The following HACE1 variants were observed in gnomAD, a reference collection of about 807,000 sequenced individuals.
HACE1 encodes E3 ubiquitin-protein ligase HACE1.
Under a neutral mutation model 118.4 loss-of-function variants are expected in HACE1, and 73 were observed. That is an observed-to-expected ratio of 0.62 (90% confidence interval 0.51 to 0.75). HACE1 has a LOEUF of 0.75. HACE1 is among the 30% of genes least tolerant of loss of function. HACE1 has a pLI of 0.00. For missense variants in HACE1, 749 were observed against 1,102.2 expected (o/e 0.68, Z 4.54); for synonymous variants, 368 against 374.8 (o/e 0.98, Z 0.21).
chr6:104,750,464 G>A lies in HACE1; in HGVS notation c.2220C>T (p.Tyr740=), dbSNP rs779187641. Residue 740 remains tyrosine (Y), a synonymous_variant, in exon 20 of 24, where the codon TAC becomes TAT. Coordinates refer to ENST00000262903, the MANE Select transcript of HACE1 (RefSeq NM_020771.4). ...TTCGAAGTTCAGTAACAAGCTGGAC[G>A]TACTCCGCCTGTTGAAAAAGAAGTT... ...ILVTQNNKAE[Y]VQLVTELRMT... 8.1e-6 allele frequency: 13 copies of A among 1,613,230 alleles called. No individual in the cohort carries two copies. Among genetic ancestry groups the A allele is most frequent in the East Asian group, 4.5e-5 (2 of 44,854 alleles).
At chr6:104,775,184 G>T (rs1781100346) in intron 17 of HACE1, among the ~76,000 whole-genome samples, 1 of 152,010 alleles carries the variant, frequency 6.6e-6, no homozygotes, top group Non-Finnish European at 1.5e-5. Flanking sequence ...TCCACAAAAA[G>T]AATAGAGAAA....
chr6:104,736,938 C>T (rs1775909003), intron 22 of HACE1, among the ~76,000 whole-genome samples: 1 of 151,904 alleles, frequency 6.6e-6, no homozygotes, highest in Admixed American at 6.6e-5. Context: ...TCTCCATTTT[C>T]CAAATTTTCT....
intron 1 of HACE1, 163 bp downstream of exon 1, chr6:104,859,404 G>C (rs561719990): frequency 3.7e-4 from 222 of 595,946 alleles, no homozygotes; most frequent in Non-Finnish European, 5.7e-4. Flanking sequence ...CGTCGGGCCA[G>C]GGGAGTTCGG....
At chr6:104,820,015 C>T (rs1345185674) in intron 6 of HACE1, among the ~76,000 whole-genome samples, 1 of 151,842 alleles carries the variant, frequency 6.6e-6, no homozygotes, top group African/African-American at 2.4e-5. Flanking sequence ...ACCAACATGG[C>T]AAAACCCCAT....
chr6:104,808,230 A>G (rs1771234375), intron 7 of HACE1, among the ~76,000 whole-genome samples: 2 of 152,128 alleles, frequency 1.3e-5, no homozygotes, highest in Non-Finnish European at 2.9e-5. Context: ...ACAAGAAACA[A>G]AAGAAAACCC....
rs886218345 is a variant in HACE1 at position 104,859,571 on chromosome 6, G to A, written c.72C>T (p.Pro24=). The A allele has an allele frequency of 3.9e-6, 6 of 1,523,174 alleles. No homozygotes were observed. In the African/African-American group the frequency reaches 7.2e-5, roughly 18 times the overall value. The allele number at this position is 1,523,174 out of a possible 1,614,324, so 94.4% of individuals were successfully genotyped here. Residue 24 remains proline (P), a synonymous_variant, in exon 1 of 24, where the codon CCC becomes CCT. Coordinates refer to ENST00000262903, the MANE Select transcript of HACE1 (RefSeq NM_020771.4). The part of the protein sequence containing the change: ...SLRRARTVEL[P]EDNETAVYTL... ...TGGCCCCGCGACCCGGCTCACCCTC[G>A]GGCAACTCCACGGTGCGCGCGCGGC...
At chr6:104,739,647 G>C (rs541893189) in intron 22 of HACE1, among the ~76,000 whole-genome samples, 159 of 150,198 alleles carry the variant, frequency 1.1e-3, no homozygotes, top group Non-Finnish European at 1.5e-3. Flanking sequence ...CCCAATACAG[G>C]AACACCAAGA....
chr6:104,744,380 A>G (rs1777175023), intron 21 of HACE1, 132 bp downstream of exon 21: 1 of 801,060 alleles, frequency 1.2e-6, no homozygotes, highest in Admixed American at 1.9e-5. Context: ...CATATGCACT[A>G]TTCCCACAAG....
At chr6:104,762,895 C>G (rs1318645843) in intron 19 of HACE1, among the ~76,000 whole-genome samples, 2 of 144,394 alleles carry the variant, frequency 1.4e-5, no homozygotes, top group Non-Finnish European at 3.0e-5. Flanking sequence ...GAGGCTGAGG[C>G]AGGAAAATGG....
chr6:104,806,897 T>A (rs956005818), intron 7 of HACE1, among the ~76,000 whole-genome samples: 27 of 152,142 alleles, frequency 1.8e-4, no homozygotes, highest in African/African-American at 6.5e-4. Context: ...AATTTGAGAA[T>A]TTGGCATAAG....
chr6:104,797,108 T>C, intron 7 of HACE1, 83 bp from the exon 8 acceptor site: 1 of 789,838 alleles, frequency 1.3e-6, no homozygotes. Flanking sequence ...TATGAGTCAA[T>C]GGAAGAGTAT....
At chr6:104,733,227 A>G (rs539648136) in intron 22 of HACE1, among the ~76,000 whole-genome samples, 114 of 152,350 alleles carry the variant, frequency 7.5e-4, no homozygotes, top group Non-Finnish European at 1.2e-3. Context: ...CAGTATTTCA[A>G]TATCAATATG....
chr6:104,803,543 T>C lies in HACE1; in HGVS notation c.618-6518A>G, dbSNP rs1443469002. Among the ~76,000 whole-genome samples the C allele has an allele frequency of 2.6e-5, 4 of 152,316 alleles. No individual in the cohort carries two copies. The East Asian group carries it at 7.7e-4, about 29-fold the overall frequency. On this transcript the variant is annotated intron_variant, in intron 7 of 23. Transcript: ENST00000262903. Reference sequence around the variant, plus strand: ...GATCAAGTCGGCTTCATCCCTGGGATGCAAGGCTGGCTCAACATATGCAAA... The same window carrying C: ...GATCAAGTCGGCTTCATCCCTGGGACGCAAGGCTGGCTCAACATATGCAAA...
intron 17 of HACE1, among the ~76,000 whole-genome samples, chr6:104,776,111 C>T (rs543908134): frequency 1.1e-4 from 17 of 152,230 alleles, no homozygotes; most frequent in African/African-American, 4.1e-4. Context: ...ACCATTTCAA[C>T]AAGGAGAGTT....
chr6:104,768,701 A>AT (rs1227819730), intron 19 of HACE1, among the ~76,000 whole-genome samples: 8 of 152,134 alleles, frequency 5.3e-5, no homozygotes, highest in African/African-American at 1.9e-4. Context: ...AACACTCCTA[A>AT]TTACTTAAAA....
chr6:104,833,420 A>T (rs1774203370), intron 5 of HACE1, among the ~76,000 whole-genome samples: 1 of 152,042 alleles, frequency 6.6e-6, no homozygotes, highest in Non-Finnish European at 1.5e-5. Context: ...TATGTTGTTC[A>T]GGTTGGACTC....
intron 5 of HACE1, among the ~76,000 whole-genome samples, chr6:104,836,909 C>T (rs1275154411): frequency 6.6e-6 from 1 of 152,030 alleles, no homozygotes; most frequent in Non-Finnish European, 1.5e-5. Flanking sequence ...TATAATTATG[C>T]CAAAGAAAAT....
intron 7 of HACE1, among the ~76,000 whole-genome samples, chr6:104,800,353 G>C (rs1036878922): frequency 6.6e-5 from 10 of 152,324 alleles, no homozygotes; most frequent in Admixed American, 6.5e-4. Context: ...CAGCTCAGAA[G>C]AGAGCAGTGG....
At chr6:104,748,452 G>T (rs1482189970) in intron 20 of HACE1, among the ~76,000 whole-genome samples, 1 of 152,138 alleles carries the variant, frequency 6.6e-6, no homozygotes. Context: ...TGAGAATGCA[G>T]AACACCCAGA....
Sources: allele counts gnomAD v4.1 joint callset (sites outside exome capture counted in the v4.1 genomes callset), GRCh38; gene constraint gnomAD v4.1.1; transcripts MANE v1.5; gene names NCBI Gene and HGNC (gene_info 2026-07-23, HGNC 2026-07-21).